Variants in GRM7 observed in about 807,000 individuals in gnomAD.
The protein encoded by GRM7 is glutamate metabotropic receptor 7.
A neutral mutation model predicts 84.5 loss-of-function variants in GRM7; 35 were observed. That is an observed-to-expected ratio of 0.41 (90% CI 0.32 to 0.55). The LOEUF (loss-of-function observed/expected upper bound fraction) is 0.55. GRM7 is among the 20% of genes least tolerant of loss of function. The pLI is 0.19. For synonymous variants in GRM7, 487 were observed against 455.1 expected, an observed-to-expected ratio of 1.07 and a Z score of -0.89; for missense variants, 1,003 against 1,194.6, an observed-to-expected ratio of 0.84 and a Z score of 2.36.
chr3:7,655,224 A>G (rs1448973309), intron 8 of GRM7, among the ~76,000 whole-genome samples: 1 of 152,190 alleles, frequency 6.6e-6, no homozygotes, highest in Non-Finnish European at 1.5e-5. Context: ...CCTAAATGAG[A>G]TGTATAGTTG....
At position 6,941,413 on chromosome 3, in the gene GRM7, A is replaced by T. The variant is rs190769172; in HGVS notation, c.519+79506A>T. Among the ~76,000 whole-genome samples, 188 of 152,360 alleles carry T rather than the reference A, an allele frequency of 1.2e-3. 2 individuals carry two copies. Among genetic ancestry groups the T allele is most frequent in the East Asian group, 9.6e-4 (5 of 5,184 alleles). ...TTATTCTTTGTCTTTTATTCAAAAC[A>T]ATCAGCAGGAAGGTAACAAACTTTG... On this transcript the variant is annotated intron_variant, in intron 1 of 9. Coordinates refer to ENST00000357716, the MANE Select transcript of GRM7 (RefSeq NM_000844.4).
At chr3:7,551,858 G>A (rs1693495206) in intron 7 of GRM7, among the ~76,000 whole-genome samples, 2 of 152,106 alleles carry the variant, frequency 1.3e-5, no homozygotes, top group Non-Finnish European at 2.9e-5. Context: ...ATTTATTAAG[G>A]AAAGAAGTTT....
At chr3:7,077,369 T>C (rs548180736) in intron 1 of GRM7, among the ~76,000 whole-genome samples, 3 of 152,254 alleles carry the variant, frequency 2.0e-5, no homozygotes, top group African/African-American at 4.8e-5. Context: ...GTGGCACATA[T>C]ATACCATGGA....
At chr3:7,357,067 T>C (rs943976189) in intron 4 of GRM7, among the ~76,000 whole-genome samples, 5 of 146,614 alleles carry the variant, frequency 3.4e-5, no homozygotes, top group Admixed American at 6.7e-5. Context: ...ATATATAATA[T>C]TGTTTCTATC....
intron 4 of GRM7, among the ~76,000 whole-genome samples, chr3:7,313,695 A>C (rs1700485420): frequency 6.6e-6 from 1 of 152,154 alleles, no homozygotes; most frequent in East Asian, 1.9e-4. Flanking sequence ...CTTTGCTATT[A>C]ATATATATCC....
At chr3:7,561,989 C>T (rs1694045891) in intron 7 of GRM7, among the ~76,000 whole-genome samples, 1 of 152,084 alleles carries the variant, frequency 6.6e-6, no homozygotes, top group African/African-American at 2.4e-5. Flanking sequence ...ATGTCACTGC[C>T]ACATCCCCTG....
At chr3:7,046,033 C>T (rs1378778411) in intron 1 of GRM7, among the ~76,000 whole-genome samples, 2 of 152,008 alleles carry the variant, frequency 1.3e-5, no homozygotes, top group Non-Finnish European at 2.9e-5. Context: ...CATATCTTTG[C>T]CAGCACTTAC....
intron 1 of GRM7, among the ~76,000 whole-genome samples, chr3:7,090,261 ATTTG>A (rs1698615862): frequency 6.6e-6 from 1 of 152,210 alleles, no homozygotes; most frequent in Admixed American, 6.5e-5. Flanking sequence ...GGATTTGGGT[ATTTG>A]TTTGTGACAA....
At chr3:7,099,234 AC>A (rs1307407445) in intron 1 of GRM7, among the ~76,000 whole-genome samples, 3 of 112,304 alleles carry the variant, frequency 2.7e-5, no homozygotes, top group Admixed American at 8.3e-5. Flanking sequence ...CATGTATTAT[AC>A]ATGTATATAT....
In GRM7 at chr3:7,048,114, T is replaced by C. The variant is rs191998341; in HGVS notation, c.520-98338T>C. 1.4e-4 allele frequency among the ~76,000 whole-genome samples: 22 copies of C among 152,076 alleles called. No individual in the cohort carries two copies. The East Asian group carries it at 3.7e-3, about 25-fold the overall frequency. On this transcript the variant is annotated intron_variant, in intron 1 of 9. Transcript: ENST00000357716. Reference sequence around the variant, plus strand: ...GTTTTTAGAATATTACAGTTCTCTATAAAAGTTTGATTTCCTATATTTTTA... The same window carrying C: ...GTTTTTAGAATATTACAGTTCTCTACAAAAGTTTGATTTCCTATATTTTTA...
chr3:7,670,915 C>G lies in GRM7; in HGVS notation c.2452-9134C>G, dbSNP rs527346365. Among the ~76,000 whole-genome samples, 3 of 152,246 alleles carry G rather than the reference C, an allele frequency of 2.0e-5. No individual in the cohort carries two copies. The East Asian group carries it at 5.8e-4, about 29-fold the overall frequency. Reference sequence around the variant, plus strand: ...ATTAAAGGGAGCCCATGGATTCTGGCAGGAGTCGTCTCTCCAGGATAACTA... The same window carrying G: ...ATTAAAGGGAGCCCATGGATTCTGGGAGGAGTCGTCTCTCCAGGATAACTA... On this transcript the variant is annotated intron_variant, in intron 8 of 9. Transcript: ENST00000357716.
intron 1 of GRM7, among the ~76,000 whole-genome samples, chr3:6,902,688 C>G (rs545564777): frequency 3.3e-5 from 5 of 152,138 alleles, no homozygotes; most frequent in Admixed American, 6.5e-5. Flanking sequence ...AATTGTCTAG[C>G]CAGATCTGCA....
At chr3:7,215,695 ATTTC>A (rs1357852457) in intron 2 of GRM7, among the ~76,000 whole-genome samples, 1 of 151,808 alleles carries the variant, frequency 6.6e-6, no homozygotes. Flanking sequence ...AAATAAATAA[ATTTC>A]TTTTCTACTC....
intron 1 of GRM7, among the ~76,000 whole-genome samples, chr3:6,999,812 T>C (rs948595417): frequency 6.6e-6 from 1 of 152,166 alleles, no homozygotes; most frequent in Admixed American, 6.5e-5. Flanking sequence ...ACTGACCCCA[T>C]GATTCAATTA....
chr3:6,955,534 CAA>C (rs574682751), intron 1 of GRM7, among the ~76,000 whole-genome samples: 2 of 141,924 alleles, frequency 1.4e-5, no homozygotes, highest in African/African-American at 2.6e-5. Flanking sequence ...CAGGCTCCAT[CAA>C]AAAAAAAAAG....
intron 1 of GRM7, among the ~76,000 whole-genome samples, chr3:6,964,347 G>A (rs759345718): frequency 2.6e-5 from 4 of 152,032 alleles, no homozygotes; most frequent in Non-Finnish European, 5.9e-5. Context: ...TCCTCACTTG[G>A]TGGAAAGAGA....
intron 9 of GRM7, among the ~76,000 whole-genome samples, chr3:7,700,989 A>T (rs540261259): frequency 6.6e-6 from 1 of 152,232 alleles, no homozygotes; most frequent in Admixed American, 6.5e-5. Flanking sequence ...AGGTGGAATC[A>T]ATAAAATCCT....
chr3:7,313,377 A>G (rs1004553456), intron 4 of GRM7, among the ~76,000 whole-genome samples: 10 of 152,204 alleles, frequency 6.6e-5, no homozygotes, highest in African/African-American at 2.4e-4. Context: ...GACCTTACTT[A>G]AGCTGTCAAA....
At chr3:7,139,252 G>A (rs1693868440) in intron 1 of GRM7, among the ~76,000 whole-genome samples, 1 of 151,420 alleles carries the variant, frequency 6.6e-6, no homozygotes, top group Non-Finnish European at 1.5e-5. Context: ...TCTTTTTACG[G>A]TACTGAACAC....
Sources: gnomAD v4.1 joint callset for allele counts (sites outside exome capture counted in the v4.1 genomes callset) on GRCh38, gnomAD v4.1.1 for gene constraint, MANE v1.5 for transcripts, NCBI Gene and HGNC (gene_info 2026-07-23, HGNC 2026-07-21) for gene names.